Variants in SLC7A6 observed in about 807,000 individuals in gnomAD.
SLC7A6 encodes Y+L amino acid transporter 2.
Under a neutral mutation model 46.6 loss-of-function variants are expected in SLC7A6, and 29 were observed. The observed-to-expected ratio is 0.62, with a 90% confidence interval of 0.46 to 0.85. The LOEUF (loss-of-function observed/expected upper bound fraction) is 0.85, where lower values mean the gene tolerates loss of function less well. Ranked by LOEUF, SLC7A6 falls within the 40% of genes least tolerant of loss-of-function variation. The pLI is 0.00. For missense variants in SLC7A6, 527 were observed against 647.6 expected (o/e 0.81, Z 2.02); for synonymous variants, 276 against 257.3 (o/e 1.07, Z -0.70).
rs1352960651 is a variant in SLC7A6 at position 68,297,847 on chromosome 16, A to G, written c.*519A>G. 2.6e-5 allele frequency: 4 copies of G among 152,852 alleles called. No individual in the cohort carries two copies. Among genetic ancestry groups the G allele is most frequent in the African/African-American group, 9.6e-5 (4 of 41,462 alleles). 9.5% of individuals were successfully genotyped at this position (152,852 alleles called of 1,614,324 possible). A position where few individuals can be genotyped will look rare whatever the true frequency, so the allele number is the denominator to read the frequency against. ...CTTATTTATTGATATTTAGTCCAGA[A>G]CACCAGTTCTAACGAAGCATGCGTG... On this transcript the variant is annotated 3_prime_UTR_variant, in exon 11 of 11. Coordinates refer to ENST00000219343, the MANE Select transcript of SLC7A6 (RefSeq NM_003983.6).
At chr16:68,280,634 A>G (rs537382722) in intron 3 of SLC7A6, among the ~76,000 whole-genome samples, 1 of 151,790 alleles carries the variant, frequency 6.6e-6, no homozygotes, top group African/African-American at 2.4e-5. Context: ...GAGTATCCCT[A>G]TGTTGCCCAG....
In SLC7A6 at chr16:68,300,695, G is replaced by A; in HGVS notation, c.*3367G>A. 1 of 985,444 alleles carries A rather than the reference G, an allele frequency of 1.0e-6. No individual in the cohort carries two copies. The highest frequency in any genetic ancestry group is 1.2e-6 in the Non-Finnish European group (1 of 829,944). The allele number at this position is 985,444 out of a possible 1,614,324, so 61.0% of individuals were successfully genotyped here. On this transcript the variant is annotated 3_prime_UTR_variant, in exon 11 of 11. Coordinates refer to ENST00000219343, the MANE Select transcript of SLC7A6 (RefSeq NM_003983.6). Reference sequence around the variant, plus strand: ...TTTCTTGGCCCCACTGCCAAAGGAAGTCAGTCAGTAATTTCACAACCGTTA... The same window carrying A: ...TTTCTTGGCCCCACTGCCAAAGGAAATCAGTCAGTAATTTCACAACCGTTA...
chr16:68,286,918 A>G (rs1043115976), intron 3 of SLC7A6, among the ~76,000 whole-genome samples: 4 of 151,550 alleles, frequency 2.6e-5, no homozygotes, highest in East Asian at 1.9e-4. Context: ...GAATATCTGT[A>G]TTTTGGAGTC....
At chr16:68,266,116 C>T (rs1224611101) in intron 1 of SLC7A6, among the ~76,000 whole-genome samples, 2 of 151,998 alleles carry the variant, frequency 1.3e-5, no homozygotes, top group Non-Finnish European at 1.5e-5. Context: ...AAAATTGAGC[C>T]AGGTGTGGTG....
chr16:68,274,669 A>C (rs2042677513), intron 2 of SLC7A6, 22 bp from the exon 3 acceptor site: 1 of 1,596,498 alleles, frequency 6.3e-7, no homozygotes, highest in Non-Finnish European at 8.6e-7. Flanking sequence ...CCCTAGACTG[A>C]CATACTTGTA....
intron 3 of SLC7A6, among the ~76,000 whole-genome samples, chr16:68,281,601 C>T (rs1320902478): frequency 1.3e-5 from 2 of 152,186 alleles, no homozygotes; most frequent in Non-Finnish European, 2.9e-5. Context: ...TTTAGGGGCT[C>T]ATACTCACTT....
intron 6 of SLC7A6, 50 bp from the exon 7 acceptor site, chr16:68,291,508 G>A: frequency 1.9e-6 from 3 of 1,598,478 alleles, no homozygotes; most frequent in Non-Finnish European, 2.6e-6. Context: ...GATGCAGGAG[G>A]ATTATGAAAC....
chr16:68,290,732 G>C (rs1450340317), intron 5 of SLC7A6, 192 bp downstream of exon 5: 2 of 670,578 alleles, frequency 3.0e-6, no homozygotes, highest in African/African-American at 3.6e-5. Context: ...TCGGCTCCCT[G>C]TCCTCACGTT....
chr16:68,283,229 G>A (rs1175076737), intron 3 of SLC7A6, among the ~76,000 whole-genome samples: 1 of 152,210 alleles, frequency 6.6e-6, no homozygotes, highest in Non-Finnish European at 1.5e-5. Context: ...ACATGTTGAT[G>A]TTTGTTTCTC....
chr16:68,291,765 GTGTGTGTGTGTGTGT>G, intron 7 of SLC7A6, 104 bp downstream of exon 7: 2 of 531,610 alleles, frequency 3.8e-6, no homozygotes, highest in Admixed American at 6.6e-5. Context: ...CATATAGGGT[GTGTGTGTGTGTGTGT>G]GTGTGTGTGT....
At chr16:68,266,995 C>A (rs1035130173) in intron 2 of SLC7A6, among the ~76,000 whole-genome samples, 3 of 151,500 alleles carry the variant, frequency 2.0e-5, no homozygotes, top group African/African-American at 7.3e-5. Flanking sequence ...GGTGTGGTGG[C>A]GCAATCTCTG....
chr16:68,289,370 T>A (rs182904682), intron 4 of SLC7A6, among the ~76,000 whole-genome samples: 1,796 of 152,338 alleles, frequency 0.012, 20 homozygotes, highest in Middle Eastern at 0.037. Flanking sequence ...TGTGTACTTA[T>A]ATCAAGTTAG....
intron 3 of SLC7A6, among the ~76,000 whole-genome samples, chr16:68,279,709 T>C (rs942591628): frequency 1.9e-4 from 29 of 152,260 alleles, no homozygotes; most frequent in African/African-American, 6.3e-4. Flanking sequence ...TGGCTAATTT[T>C]TATATTTTTA....
intron 2 of SLC7A6, among the ~76,000 whole-genome samples, chr16:68,270,698 C>G (rs2042609881): frequency 6.6e-6 from 1 of 152,182 alleles, no homozygotes; most frequent in South Asian, 2.1e-4. Flanking sequence ...CTCTCTATCT[C>G]CCTGGAGGTG....
chr16:68,282,899 T>C (rs187804797), intron 3 of SLC7A6, among the ~76,000 whole-genome samples: 1,924 of 152,342 alleles, frequency 0.013, 39 homozygotes, highest in Admixed American at 0.045. Context: ...ATTACAGGTG[T>C]GAGCCACTGC....
chr16:68,270,174 T>C (rs1382905752), intron 2 of SLC7A6, among the ~76,000 whole-genome samples: 1 of 151,178 alleles, frequency 6.6e-6, no homozygotes, highest in African/African-American at 2.4e-5. Flanking sequence ...TGGTAGGGAG[T>C]AGGGATTTCT....
At chr16:68,294,062 T>C (rs374110829) in intron 7 of SLC7A6, among the ~76,000 whole-genome samples, 9 of 152,276 alleles carry the variant, frequency 5.9e-5, no homozygotes, top group African/African-American at 1.7e-4. Context: ...CGCGCCCGGC[T>C]TATTTTGTAT....
rs945754993 is a variant in SLC7A6 at position 68,264,909 on chromosome 16, A to G, written c.-166+333A>G. On this transcript the variant is annotated intron_variant, in intron 1 of 10. Coordinates refer to ENST00000219343, the MANE Select transcript of SLC7A6 (RefSeq NM_003983.6). The surrounding 1 kb of genome is among the most constrained non-coding windows in gnomAD (Gnocchi z 5.8). ...TGAGGGAGACCGGGGGTGTGTGTGG[A>G]GAGGGAAACCCCAGGTGCGAGGGTG... 5.9e-5 allele frequency among the ~76,000 whole-genome samples: 9 copies of G among 151,540 alleles called. No homozygotes were observed. The highest frequency in any genetic ancestry group is 1.0e-4 in the Non-Finnish European group (7 of 67,868).
intron 3 of SLC7A6, among the ~76,000 whole-genome samples, chr16:68,280,641 C>T (rs2042812858): frequency 6.6e-6 from 1 of 151,916 alleles, no homozygotes. Context: ...CCTATGTTGC[C>T]CAGGCTGGTC....
Sources: allele counts gnomAD v4.1 joint callset (sites outside exome capture counted in the v4.1 genomes callset), GRCh38; gene constraint gnomAD v4.1.1; non-coding constraint Gnocchi (gnomAD v3.1); transcripts MANE v1.5; gene names NCBI Gene and HGNC (gene_info 2026-07-23, HGNC 2026-07-21).